CTNND2: variants seen among roughly 807,000 people sequenced by gnomAD.
CTNND2 encodes catenin delta-2.
In CTNND2, 22 loss-of-function variants were observed where a neutral mutation model predicts 144.4. That is an observed-to-expected ratio of 0.15 (90% confidence interval 0.11 to 0.22). CTNND2 has a LOEUF of 0.22. Among genes scored for constraint, CTNND2 ranks in the 10% least tolerant of loss-of-function variants. CTNND2 has a pLI of 1.00. For missense variants in CTNND2, 1,353 were observed against 1,618.8 expected, an observed-to-expected ratio of 0.84 and a Z score of 2.82; for synonymous variants, 751 against 695.6, an observed-to-expected ratio of 1.08 and a Z score of -1.25.
intron 9 of CTNND2, among the ~76,000 whole-genome samples, chr5:11,323,838 A>C (rs1256202223): frequency 1.3e-5 from 2 of 152,204 alleles, no homozygotes; most frequent in African/African-American, 4.8e-5. Context: ...GCAATAGGTA[A>C]TTAAGCAGAT....
chr5:11,323,179 C>T (rs774559055), intron 9 of CTNND2, among the ~76,000 whole-genome samples: 9 of 147,558 alleles, frequency 6.1e-5, no homozygotes, highest in East Asian at 2.1e-4. Context: ...GCCAGGACTA[C>T]AGTGTGCACC....
chr5:11,283,566 C>G (rs910332782), intron 9 of CTNND2, among the ~76,000 whole-genome samples: 2 of 148,336 alleles, frequency 1.3e-5, no homozygotes, highest in African/African-American at 5.0e-5. Context: ...CCCAGCTACA[C>G]GGGAGGCTGA....
chr5:11,551,432 C>CTTTTTTTTTTT (rs70949326), intron 3 of CTNND2, among the ~76,000 whole-genome samples: 30 of 100,916 alleles, frequency 3.0e-4, no homozygotes, highest in African/African-American at 8.7e-4. Flanking sequence ...TTTCTTTTTT[C>CTTTTTTTTTTT]TTTTTTTTTT....
intron 6 of CTNND2, among the ~76,000 whole-genome samples, chr5:11,394,414 T>G (rs1185317692): frequency 6.6e-6 from 1 of 152,038 alleles, no homozygotes; most frequent in Non-Finnish European, 1.5e-5. Context: ...AAGGGGTCTG[T>G]GGAGGGGTGA....
chr5:11,304,749 T>C (rs1208772994), intron 9 of CTNND2, among the ~76,000 whole-genome samples: 5 of 151,938 alleles, frequency 3.3e-5, no homozygotes, highest in African/African-American at 4.8e-5. Context: ...CGGCAGAGAG[T>C]CTGTTTCTTC....
At chr5:11,805,177 G>A (rs939797426) in intron 1 of CTNND2, among the ~76,000 whole-genome samples, 2 of 152,078 alleles carry the variant, frequency 1.3e-5, no homozygotes, top group Non-Finnish European at 2.9e-5. Flanking sequence ...AGCAACAGGA[G>A]GAGAACAGAA....
At chr5:11,882,156 T>C (rs1490860351) in intron 1 of CTNND2, among the ~76,000 whole-genome samples, 3 of 152,128 alleles carry the variant, frequency 2.0e-5, no homozygotes, top group Non-Finnish European at 4.4e-5. Flanking sequence ...TTTTCTTCCA[T>C]TCTGTATACT....
At chr5:11,462,839 C>G (rs1244538302) in intron 3 of CTNND2, among the ~76,000 whole-genome samples, 1 of 151,956 alleles carries the variant, frequency 6.6e-6, no homozygotes, top group Non-Finnish European at 1.5e-5. Context: ...AATAAACCAC[C>G]ACCAAGAAAA....
At chr5:11,640,254 G>A (rs763936447) in intron 2 of CTNND2, among the ~76,000 whole-genome samples, 19 of 152,226 alleles carry the variant, frequency 1.2e-4, no homozygotes, top group Non-Finnish European at 2.1e-4. Flanking sequence ...GTAATTCAAT[G>A]TCAATGGTGA....
At chr5:11,042,352 A>C (rs1744763817) in intron 16 of CTNND2, among the ~76,000 whole-genome samples, 1 of 152,204 alleles carries the variant, frequency 6.6e-6, no homozygotes, top group Admixed American at 6.5e-5. Flanking sequence ...ACCCCAATAC[A>C]CTTTATTCCT....
intron 3 of CTNND2, among the ~76,000 whole-genome samples, chr5:11,420,318 G>A (rs117725837): frequency 3.3e-5 from 5 of 152,186 alleles, no homozygotes; most frequent in East Asian, 1.9e-4. Context: ...GCAAGACTTC[G>A]TGTCAAAAAA....
intron 5 of CTNND2, among the ~76,000 whole-genome samples, chr5:11,409,314 C>T (rs1050456400): frequency 6.6e-6 from 1 of 151,752 alleles, no homozygotes; most frequent in Non-Finnish European, 1.5e-5. Context: ...TTTATAATTG[C>T]CTTTATCTTC....
intron 1 of CTNND2, among the ~76,000 whole-genome samples, chr5:11,891,473 A>G (rs564322656): frequency 3.9e-5 from 6 of 152,286 alleles, no homozygotes; most frequent in African/African-American, 1.4e-4. Context: ...CTCACCCACC[A>G]ACAAAGTAAT....
At chr5:11,693,783 G>C (rs902563961) in intron 2 of CTNND2, among the ~76,000 whole-genome samples, 1 of 152,178 alleles carries the variant, frequency 6.6e-6, no homozygotes, top group African/African-American at 2.4e-5. Context: ...ATGTGTGATA[G>C]TTTTGTTCTA....
intron 7 of CTNND2, among the ~76,000 whole-genome samples, chr5:11,377,629 G>C (rs10079444): frequency 0.13 from 19,521 of 151,986 alleles, 2,506 homozygotes; most frequent in African/African-American, 0.31. Flanking sequence ...CTGTTTACCC[G>C]CATTTGATTT....
At chr5:11,087,246 C>T (rs1043410962) in intron 15 of CTNND2, among the ~76,000 whole-genome samples, 10 of 152,234 alleles carry the variant, frequency 6.6e-5, no homozygotes, top group Middle Eastern at 6.8e-3. Context: ...ATTTACAATA[C>T]CAGGGTGTCT....
intron 1 of CTNND2, among the ~76,000 whole-genome samples, chr5:11,873,037 G>C (rs1253987374): frequency 6.6e-6 from 1 of 152,130 alleles, no homozygotes; most frequent in African/African-American, 2.4e-5. Flanking sequence ...CGCAGCAAAA[G>C]AAACTATTGT....
At chr5:11,293,792 G>A (rs909746401) in intron 9 of CTNND2, among the ~76,000 whole-genome samples, 1 of 143,020 alleles carries the variant, frequency 7.0e-6, no homozygotes, top group Admixed American at 6.9e-5. Context: ...CAAGAAATGT[G>A]CCCACATTTC....
chr5:11,552,197 G>A (rs1180292767), intron 3 of CTNND2, among the ~76,000 whole-genome samples: 1 of 152,046 alleles, frequency 6.6e-6, no homozygotes, highest in Non-Finnish European at 1.5e-5. Context: ...TCTTTTAATG[G>A]AACCAAATAT....
Sources: allele counts gnomAD v4.1 joint callset (sites outside exome capture counted in the v4.1 genomes callset), GRCh38; gene constraint gnomAD v4.1.1; transcripts MANE v1.5; gene names NCBI Gene and HGNC (gene_info 2026-07-23, HGNC 2026-07-21).